ARID3A: variants seen among roughly 807,000 people sequenced by gnomAD.
ARID3A encodes the protein AT-rich interactive domain-containing protein 3A.
A neutral mutation model predicts 52.7 loss-of-function variants in ARID3A; 11 were observed. The ratio of observed to expected loss-of-function variants is 0.21; its 90% CI spans 0.13 to 0.35. The LOEUF is 0.35. Among genes scored for constraint, ARID3A ranks in the 10% least tolerant of loss-of-function variants. The pLI, the probability that ARID3A is intolerant of heterozygous loss-of-function variation, is 1.00. For missense variants in ARID3A, 721 were observed against 838.5 expected (o/e 0.86, Z 1.73); for synonymous variants, 404 against 359.4 (o/e 1.12, Z -1.40).
rs1452446694 is a variant in ARID3A, at chr19:929,295, G to C, written c.-234G>C. 2.5e-6 allele frequency: 1 copy of C among 399,232 alleles called. No individual in the cohort carries two copies. Among genetic ancestry groups the C allele is most frequent in the African/African-American group, 2.2e-5 (1 of 46,284 alleles). The allele number at this position is 399,232 out of a possible 1,614,324, so 24.7% of individuals were successfully genotyped here. A position where few individuals can be genotyped will look rare whatever the true frequency, so the allele number is the denominator to read the frequency against. On this transcript the variant is annotated 5_prime_UTR_variant, in exon 2 of 9. Coordinates refer to ENST00000263620, the MANE Select transcript of ARID3A (RefSeq NM_005224.3). This position sits in a 1 kb window ranked among gnomAD's most constrained non-coding sequence, Gnocchi z 6.2. ...AAATGCGTGAATGAGCCGGATGCCA[G>C]CCTCTGTCCCCTGGAGCCCAGCGTG...
At position 941,065 on chromosome 19, in the gene ARID3A, G is replaced by A. The variant is rs867761293; in HGVS notation, c.693+8323G>A. On this transcript the variant is annotated intron_variant, in intron 3 of 8. Transcript: ENST00000263620. The surrounding 1 kb of genome is among the most constrained non-coding windows in gnomAD (Gnocchi z 6.9). ...ACCGCCGCGGGGTCACCGCCGCCGC[G>A]GCCTGGCCCCACGCCCACCGCCGGC... Among the ~76,000 whole-genome samples, 10 of 152,138 alleles carry A rather than the reference G, an allele frequency of 6.6e-5. No individual in the cohort carries two copies. Among genetic ancestry groups the A allele is most frequent in the Admixed American group, 3.9e-4 (6 of 15,282 alleles).
chr19:930,862 C>T (rs1264376041), intron 2 of ARID3A, among the ~76,000 whole-genome samples: 6 of 152,230 alleles, frequency 3.9e-5, no homozygotes, highest in African/African-American at 1.2e-4. Context: ...ATGGCTACAG[C>T]AGATTCAGCG....
Position 932,500 on chromosome 19 carries a change from G to C in ARID3A, c.451G>C (p.Glu151Gln). The C allele has an allele frequency of 6.4e-7, 1 of 1,555,108 alleles. No homozygotes were observed. Among genetic ancestry groups the C allele is most frequent in the Non-Finnish European group, 8.7e-7 (1 of 1,156,060 alleles). The change falls in exon 3 of 9, where the codon GAG (glutamate) becomes CAG (glutamine). Residue 151 changes from glutamate (E) to glutamine (Q), a missense_variant. Coordinates refer to ENST00000263620, the MANE Select transcript of ARID3A (RefSeq NM_005224.3). The part of the protein sequence containing the change: ...EEEEEDYEDE[E>Q]EEEDEEGLGP... ...GGAGGAGGAGGATTACGAGGATGAGGAGGAGGAGGAGGACGAGGAGGGGCT... is the reference window on the plus strand; with the variant it reads ...GGAGGAGGAGGATTACGAGGATGAGCAGGAGGAGGAGGACGAGGAGGGGCT...
chr19:943,130 G>A (rs1480443057), intron 3 of ARID3A, among the ~76,000 whole-genome samples: 1 of 151,956 alleles, frequency 6.6e-6, no homozygotes, highest in Non-Finnish European at 1.5e-5. Context: ...GTGTGGTGGT[G>A]CGTGCCTGTG....
Position 929,318 on chromosome 19 carries a change from G to T in ARID3A, c.-211G>T, listed in dbSNP as rs1269261299. ...CAGCCTCTGTCCCCTGGAGCCCAGC[G>T]TGAGGAAGAGGCATGCCCCATCAGC... On this transcript the variant is annotated 5_prime_UTR_variant, in exon 2 of 9. Coordinates refer to ENST00000263620, the MANE Select transcript of ARID3A (RefSeq NM_005224.3). This position sits in a 1 kb window ranked among gnomAD's most constrained non-coding sequence, Gnocchi z 6.2. The T allele has an allele frequency of 7.6e-6, 4 of 527,008 alleles. No homozygotes were observed. The highest frequency in any genetic ancestry group is 5.3e-6 in the Non-Finnish European group (2 of 376,896). The allele number at this position is 527,008 out of a possible 1,614,324, so 32.6% of individuals were successfully genotyped here. A position where few individuals can be genotyped will look rare whatever the true frequency, so the allele number is the denominator to read the frequency against.
At chr19:966,148 G>A (rs556394397) in intron 6 of ARID3A, among the ~76,000 whole-genome samples, 41 of 148,712 alleles carry the variant, frequency 2.8e-4, no homozygotes, top group African/African-American at 9.0e-4. Flanking sequence ...GCAACAGAGC[G>A]AGACTCTGTC....
At position 968,420 on chromosome 19, in the gene ARID3A, A is replaced by G. The variant is rs755814713; in HGVS notation, c.1511A>G (p.Gln504Arg). 6 of 1,613,778 alleles carry G rather than the reference A, an allele frequency of 3.7e-6. No individual in the cohort carries two copies. The East Asian group carries it at 1.3e-4, about 36-fold the overall frequency. Residue 504 changes from glutamine (Q) to arginine (R), a missense_variant, in exon 8 of 9, where the codon CAG (glutamine) becomes CGG (arginine). Transcript: ENST00000263620. Reference sequence around the variant, plus strand: ...CTTCCCACAGCCTCCGAAAGCCGCCAGGACTCTGCTGTGAACCTGACGGGC... The same window carrying G: ...CTTCCCACAGCCTCCGAAAGCCGCCGGGACTCTGCTGTGAACCTGACGGGC... ...RINSQASESR[Q>R]DSAVNLTGTN...
intron 3 of ARID3A, among the ~76,000 whole-genome samples, chr19:953,864 A>C (rs1027349758): frequency 6.6e-6 from 1 of 152,180 alleles, no homozygotes; most frequent in Non-Finnish European, 1.5e-5. Context: ...ACTTAAGGCC[A>C]GGAGTTTGAG....
At chr19:948,778 C>T (rs1368634501) in intron 3 of ARID3A, among the ~76,000 whole-genome samples, 2 of 143,094 alleles carry the variant, frequency 1.4e-5, no homozygotes, top group Non-Finnish European at 3.0e-5. Context: ...GGCACGATCT[C>T]AGCTCACTGC....
At position 950,243 on chromosome 19, in the gene ARID3A, T is replaced by G. The variant is rs1205708630; in HGVS notation, c.694-9849T>G. Among the ~76,000 whole-genome samples, 19 of 42,294 alleles carry G rather than the reference T, an allele frequency of 4.5e-4. 5 individuals are homozygous for G. The highest frequency in any genetic ancestry group is 2.1e-3 in the African/African-American group (17 of 8,242). 27.7% of individuals were successfully genotyped at this position (42,294 alleles called of 152,430 possible). On this transcript the variant is annotated intron_variant, in intron 3 of 8. Transcript: ENST00000263620. ...TGAGGCCGTCCCCAGAGGGAACGGA[T>G]GGATGAGGCCGTCCCCAGAGGGAAC...
Position 944,288 on chromosome 19 carries a change from GC to G in ARID3A, c.693+11547del, listed in dbSNP as rs2037625778. ...TCGCCGTTATCTCCCAGGCGTGTCT[GC>G]TCCCCGTGTGTCTGGCTGCAGGGGC... is the stretch of plus-strand genomic sequence containing the variant. On this transcript the variant is annotated intron_variant, in intron 3 of 8. Transcript: ENST00000263620. The surrounding 1 kb of genome is among the most constrained non-coding windows in gnomAD (Gnocchi z 5.9). Among the ~76,000 whole-genome samples the G allele has an allele frequency of 6.6e-6, 1 of 152,142 alleles. No homozygotes were observed. The highest frequency in any genetic ancestry group is 1.5e-5 in the Non-Finnish European group (1 of 68,014).
rs1388338431 is a variant in ARID3A, at chr19:959,979, G to A, written c.694-113G>A. 1.2e-6 allele frequency: 1 copy of A among 842,278 alleles called. No homozygotes were observed. The highest frequency in any genetic ancestry group is 1.8e-5 in the African/African-American group (1 of 57,074). The allele number at this position is 842,278 out of a possible 1,614,324, so 52.2% of individuals were successfully genotyped here. ...CTCTGGCAGCGGCTTGAGGGTCCTAGGGGTGGTGACCCCTGCTCCTGTCCT... is the reference window on the plus strand; with the variant it reads ...CTCTGGCAGCGGCTTGAGGGTCCTAAGGGTGGTGACCCCTGCTCCTGTCCT... On this transcript the variant is annotated intron_variant, in intron 3 of 8. Coordinates refer to ENST00000263620, the MANE Select transcript of ARID3A (RefSeq NM_005224.3). The surrounding 1 kb of genome is among the most constrained non-coding windows in gnomAD (Gnocchi z 5.0).
intron 3 of ARID3A, among the ~76,000 whole-genome samples, chr19:948,478 C>T (rs1004967308): frequency 2.6e-5 from 4 of 152,248 alleles, no homozygotes; most frequent in East Asian, 1.9e-4. Context: ...TTGATGGCTT[C>T]GGCCCCACCC....
intron 3 of ARID3A, chr19:958,027 G>A (rs1204072980): frequency 6.7e-6 from 1 of 150,372 alleles, no homozygotes; most frequent in Non-Finnish European, 1.5e-5. Flanking sequence ...GGGGAGAATT[G>A]CTTGAGCCCC....
intron 3 of ARID3A, among the ~76,000 whole-genome samples, chr19:948,534 C>A (rs569546081): frequency 6.6e-6 from 1 of 151,874 alleles, no homozygotes; most frequent in Admixed American, 6.6e-5. Flanking sequence ...GACTGGGGCG[C>A]GAGACTCCAG....
intron 3 of ARID3A, among the ~76,000 whole-genome samples, chr19:943,096 C>G (rs374587501): frequency 6.6e-6 from 1 of 151,782 alleles, no homozygotes; most frequent in Admixed American, 6.6e-5. Flanking sequence ...GAGTGAGACC[C>G]CTGTCTCTAC....
chr19:961,568 C>T (rs530342398), intron 4 of ARID3A, among the ~76,000 whole-genome samples: 1 of 152,332 alleles, frequency 6.6e-6, no homozygotes, highest in East Asian at 1.9e-4. Context: ...CCAAAGCCAA[C>T]CCGTTTTGCT....
chr19:945,047 G>A (rs2037648167), intron 3 of ARID3A, among the ~76,000 whole-genome samples: 1 of 152,236 alleles, frequency 6.6e-6, no homozygotes, highest in African/African-American at 2.4e-5. Flanking sequence ...CCCAGCCACT[G>A]CCCCCACCCC....
At chr19:926,682 C>T (rs1452489627) in intron 1 of ARID3A, among the ~76,000 whole-genome samples, 3 of 151,210 alleles carry the variant, frequency 2.0e-5, no homozygotes, top group African/African-American at 4.9e-5. Flanking sequence ...CCCCGGGCGC[C>T]GGGGTGGGTT....
Sources: gnomAD v4.1 joint callset for allele counts (sites outside exome capture counted in the v4.1 genomes callset) on GRCh38, gnomAD v4.1.1 for gene constraint, Gnocchi (gnomAD v3.1) non-coding constraint, MANE v1.5 for transcripts, NCBI Gene and HGNC (gene_info 2026-07-23, HGNC 2026-07-21) for gene names.